The following IFIH1 variants were observed in gnomAD, a reference collection of about 807,000 sequenced individuals.
IFIH1 encodes the protein interferon-induced helicase C domain-containing protein 1.
Under a neutral mutation model 107.4 loss-of-function variants are expected in IFIH1, and 125 were observed. The ratio of observed to expected loss-of-function variants is 1.16; its 90% CI spans 1.01 to 1.35. The LOEUF (loss-of-function observed/expected upper bound fraction) is 1.35, where lower values mean the gene tolerates loss of function less well. Among genes scored for constraint, IFIH1 ranks in the 40% most tolerant of loss-of-function variants. The pLI is 0.00. For missense variants in IFIH1, 1,333 were observed against 1,213.7 expected, an observed-to-expected ratio of 1.10 and a Z score of -1.46; for synonymous variants, 458 against 413.2, an observed-to-expected ratio of 1.11 and a Z score of -1.31.
chr2:162,298,378 G>A (rs950358844), intron 3 of IFIH1, among the ~76,000 whole-genome samples: 3 of 152,140 alleles, frequency 2.0e-5, no homozygotes, highest in Non-Finnish European at 4.4e-5. Context: ...CGAGGGGAAA[G>A]GGCCTCTGTG....
At chr2:162,297,665 G>A (rs890442053) in intron 3 of IFIH1, among the ~76,000 whole-genome samples, 9 of 151,870 alleles carry the variant, frequency 5.9e-5, no homozygotes, top group Admixed American at 4.6e-4. Context: ...TTTCCTCTAG[G>A]GAAAATATCA....
intron 5 of IFIH1, among the ~76,000 whole-genome samples, chr2:162,283,056 C>T (rs12464391): frequency 6.6e-6 from 1 of 151,560 alleles, no homozygotes; most frequent in African/African-American, 2.4e-5. Flanking sequence ...ATTTGTAGAG[C>T]AGTGCCAGGT....
intron 3 of IFIH1, among the ~76,000 whole-genome samples, chr2:162,304,518 A>T (rs56398133): frequency 0.097 from 14,816 of 152,156 alleles, 2,461 homozygotes; most frequent in African/African-American, 0.34. Flanking sequence ...AAATCCACAA[A>T]CAGGCTAAAA....
intron 5 of IFIH1, among the ~76,000 whole-genome samples, chr2:162,285,992 C>T (rs981989771): frequency 1.3e-5 from 2 of 151,902 alleles, no homozygotes; most frequent in African/African-American, 4.8e-5. Context: ...GAGGCAAATG[C>T]GGTCATAAGC....
intron 1 of IFIH1, among the ~76,000 whole-genome samples, chr2:162,316,392 A>G (rs966859197): frequency 6.6e-6 from 1 of 152,204 alleles, no homozygotes; most frequent in African/African-American, 2.4e-5. Flanking sequence ...CTGGACTACT[A>G]TAATGCGTTC....
chr2:162,277,227 T>A (rs933954076), intron 10 of IFIH1, among the ~76,000 whole-genome samples, 188 bp downstream of exon 10: 2 of 152,190 alleles, frequency 1.3e-5, no homozygotes, highest in Non-Finnish European at 2.9e-5. Flanking sequence ...TAAAACTGAA[T>A]GACCAAATGA....
In IFIH1 at chr2:162,291,190, T is replaced by A. The variant is rs577670871; in HGVS notation, c.874+2374A>T. ...TAAATGGTCAAAAAAGAAAATCAAA[T>A]AAGGCTTAAATAATAATATTCTATT... On this transcript the variant is annotated intron_variant, in intron 4 of 15. Transcript: ENST00000649979. Among the ~76,000 whole-genome samples, 4 of 151,890 alleles carry A rather than the reference T, an allele frequency of 2.6e-5. No individual in the cohort carries two copies. The South Asian group carries it at 8.3e-4, about 31-fold the overall frequency.
intron 5 of IFIH1, among the ~76,000 whole-genome samples, chr2:162,286,815 G>A (rs1464896419): frequency 1.3e-5 from 2 of 151,922 alleles, no homozygotes; most frequent in Non-Finnish European, 2.9e-5. Context: ...AAAGGAGCAG[G>A]AGAAAGCTAG....
At chr2:162,293,500 A>G in intron 4 of IFIH1, 64 bp downstream of exon 4, 1 of 965,610 alleles carries the variant, frequency 1.0e-6, no homozygotes, top group Admixed American at 1.9e-5. Flanking sequence ...AACAGCCCCC[A>G]TGCTTCCACT....
Position 162,306,743 on chromosome 2 carries a change from T to G in IFIH1, c.735A>C (p.Ser245=), listed in dbSNP as rs1312366176. The change falls in exon 3 of 16, where the codon TCA becomes TCC. Residue 245 remains serine, a synonymous_variant. Transcript: ENST00000649979. ...KEVWGMENNS[S]ESSFADSSVV... is the part of the protein sequence containing the mutation. ...CAGAAGAATCTGCAAAAGATGATTC[T>G]GATGAGTTATTCTCCATGCCCCAGA... 1.2e-6 allele frequency: 2 copies of G among 1,613,846 alleles called. No homozygotes were observed. The highest frequency in any genetic ancestry group is 1.7e-6 in the Non-Finnish European group (2 of 1,179,888).
chr2:162,290,454 G>A (rs1392559450), intron 4 of IFIH1, among the ~76,000 whole-genome samples: 2 of 151,764 alleles, frequency 1.3e-5, no homozygotes, highest in Non-Finnish European at 2.9e-5. Flanking sequence ...TAAGAAGAGC[G>A]AGAATGTTAA....
At chr2:162,289,747 T>C (rs1162629956) in intron 4 of IFIH1, among the ~76,000 whole-genome samples, 1 of 151,956 alleles carries the variant, frequency 6.6e-6, no homozygotes, top group Non-Finnish European at 1.5e-5. Context: ...TTTGTATGGA[T>C]GAGTAAAAAC....
At chr2:162,272,471 CT>C in intron 12 of IFIH1, 84 bp from the exon 13 acceptor site, 1 of 1,201,076 alleles carries the variant, frequency 8.3e-7, no homozygotes, top group Non-Finnish European at 1.2e-6. Flanking sequence ...GATATTCTTG[CT>C]CAGAATGAAA....
At chr2:162,288,919 A>G (rs979787831) in intron 4 of IFIH1, among the ~76,000 whole-genome samples, 9 of 102,606 alleles carry the variant, frequency 8.8e-5, no homozygotes, top group Non-Finnish European at 1.2e-4. Context: ...ACCAAAAAGC[A>G]CACACACACA....
chr2:162,273,682 G>C, intron 12 of IFIH1, 113 bp downstream of exon 12: 1 of 804,232 alleles, frequency 1.2e-6, no homozygotes, highest in Non-Finnish European at 1.9e-6. Flanking sequence ...CAGGAAAAAG[G>C]CTTTGTTTTA....
At chr2:162,272,517 T>C (rs1691063037) in intron 12 of IFIH1, 130 bp from the exon 13 acceptor site, 1 of 722,648 alleles carries the variant, frequency 1.4e-6, no homozygotes, top group South Asian at 1.9e-5. Context: ...AGTCTTCAAA[T>C]GGGTAAAGTT....
chr2:162,306,722 A>G lies in IFIH1; in HGVS notation c.756T>C (p.Ser252=). Reference sequence around the variant, plus strand: ...TGTTTCAAGTACCTGAAACTACAGAAGAATCTGCAAAAGATGATTCTGATG... The same window carrying G: ...TGTTTCAAGTACCTGAAACTACAGAGGAATCTGCAAAAGATGATTCTGATG... ...NNSSESSFAD[S]SVVSESDTSL... Residue 252 remains serine, a synonymous_variant, in exon 3 of 16, where the codon TCT becomes TCC. Coordinates refer to ENST00000649979, the MANE Select transcript of IFIH1 (RefSeq NM_022168.4). 1 of 1,613,896 alleles carries G rather than the reference A, an allele frequency of 6.2e-7. No individual in the cohort carries two copies. The highest frequency in any genetic ancestry group is 8.5e-7 in the Non-Finnish European group (1 of 1,179,836).
Position 162,318,160 on chromosome 2 carries a change from C to T in IFIH1, c.148G>A (p.Val50Ile). 3 of 1,614,208 alleles carry T rather than the reference C, an allele frequency of 1.9e-6. No homozygotes were observed. In the South Asian group the frequency reaches 3.3e-5, roughly 18 times the overall value. ...GCCTGCATGTTCCCGGAGGTGGCGA[C>T]TGTCCTCTGAATCTGCTCCTTCACC... ...AEVKEQIQRTVATSGNMQAVE... is the reference protein window; with the variant it reads ...AEVKEQIQRTIATSGNMQAVE... Residue 50 changes from valine (V) to isoleucine (I), a missense_variant, in exon 1 of 16, where the codon GTC becomes ATC. By Grantham distance (29) the Val-to-Ile change is conservative. Transcript: ENST00000649979.
At chr2:162,302,296 T>A (rs1683207250) in intron 3 of IFIH1, among the ~76,000 whole-genome samples, 1 of 152,200 alleles carries the variant, frequency 6.6e-6, no homozygotes, top group Non-Finnish European at 1.5e-5. Context: ...TACTATGCAC[T>A]GAGAAAATAT....
Sources: gnomAD v4.1 joint callset for allele counts (sites outside exome capture counted in the v4.1 genomes callset) on GRCh38, gnomAD v4.1.1 for gene constraint, MANE v1.5 for transcripts, NCBI Gene and HGNC (gene_info 2026-07-23, HGNC 2026-07-21) for gene names.